CSMD1: variants seen among roughly 807,000 people sequenced by gnomAD.
CSMD1 encodes the protein CUB and sushi domain-containing protein 1.
CSMD1 carries 213 observed loss-of-function variants against 417.5 expected under a neutral mutation model. The observed-to-expected ratio is 0.51, with a 90% CI of 0.46 to 0.57. The LOEUF (loss-of-function observed/expected upper bound fraction) is 0.57, where lower values mean the gene tolerates loss of function less well. CSMD1 is among the 20% of genes least tolerant of loss of function. The pLI is 0.00. For missense variants in CSMD1, 6,923 were observed against 4,529.7 expected (o/e 1.53, Z -15.17); for synonymous variants, 2,862 against 1,736.8 (o/e 1.65, Z -16.11).
intron 26 of CSMD1, among the ~76,000 whole-genome samples, chr8:3,264,374 C>G (rs1209172626): frequency 1.3e-5 from 2 of 152,128 alleles, no homozygotes; most frequent in Non-Finnish European, 2.9e-5. Context: ...TGTGTTCTAT[C>G]TTTTCCTGTT....
chr8:3,997,692 G>T (rs566850127), intron 5 of CSMD1, among the ~76,000 whole-genome samples: 1 of 152,082 alleles, frequency 6.6e-6, no homozygotes, highest in African/African-American at 2.4e-5. Context: ...ATGACTTCCC[G>T]AGCTCCAAAC....
At chr8:3,440,313 G>T (rs1033819658) in intron 12 of CSMD1, among the ~76,000 whole-genome samples, 1 of 151,906 alleles carries the variant, frequency 6.6e-6, no homozygotes, top group Non-Finnish European at 1.5e-5. Flanking sequence ...TTTGATCTTT[G>T]GTTTCTTTCA....
chr8:4,315,901 A>G (rs1798896876), intron 3 of CSMD1, among the ~76,000 whole-genome samples: 1 of 152,214 alleles, frequency 6.6e-6, no homozygotes, highest in African/African-American at 2.4e-5. Flanking sequence ...TTATAAAGCT[A>G]AAGATGCACT....
rs190313170 is a variant in CSMD1, at chr8:4,884,552, T to G, written c.85+109780A>C. 1.2e-3 allele frequency among the ~76,000 whole-genome samples: 189 copies of G among 152,186 alleles called. 2 individuals carry two copies. Among genetic ancestry groups the G allele is most frequent in the African/African-American group, 4.3e-3 (179 of 41,514 alleles). On this transcript the variant is annotated intron_variant, in intron 1 of 69. Coordinates refer to ENST00000635120, the MANE Select transcript of CSMD1 (RefSeq NM_033225.6). ...TCCTTTTTGAGTTAATTTTTGTATA[T>G]TGAGATGGATTGGGCTTCGACTTCA...
rs1221175483 is a variant in CSMD1, at chr8:3,142,771, C to A, written c.6032-97G>T. ...CTGAAGTGTTAGCAGTCTCCCCAGA[C>A]AATCCCTCTCTGTGAGACAGAACCA... is the stretch of plus-strand genomic sequence containing the variant. On this transcript the variant is annotated intron_variant, in intron 40 of 69. Transcript: ENST00000635120. 6.0e-6 allele frequency: 6 copies of A among 1,004,204 alleles called. No individual in the cohort carries two copies. The Admixed American group carries it at 1.1e-4, about 18-fold the overall frequency. 62.2% of individuals were successfully genotyped at this position (1,004,204 alleles called of 1,614,324 possible).
chr8:3,053,257 A>G (rs1393298620), intron 49 of CSMD1, among the ~76,000 whole-genome samples: 1 of 152,206 alleles, frequency 6.6e-6, no homozygotes, highest in Non-Finnish European at 1.5e-5. Context: ...GACATATTTT[A>G]TCAGAGGGTG....
At chr8:3,293,843 C>G (rs535773644) in intron 25 of CSMD1, among the ~76,000 whole-genome samples, 1 of 152,306 alleles carries the variant, frequency 6.6e-6, no homozygotes, top group South Asian at 2.1e-4. Flanking sequence ...AAGTCATTCT[C>G]CATCCAGCTT....
intron 3 of CSMD1, among the ~76,000 whole-genome samples, chr8:4,260,976 CTT>C (rs1189067503): frequency 1.3e-5 from 2 of 152,100 alleles, no homozygotes; most frequent in Non-Finnish European, 1.5e-5. Flanking sequence ...TGACTTGCCT[CTT>C]TTGTAAACAA....
At chr8:3,890,964 C>T (rs1046038656) in intron 5 of CSMD1, among the ~76,000 whole-genome samples, 2 of 152,068 alleles carry the variant, frequency 1.3e-5, no homozygotes, top group African/African-American at 4.8e-5. Context: ...CTCTCAATAA[C>T]CTGTGAAATG....
intron 6 of CSMD1, among the ~76,000 whole-genome samples, chr8:3,728,302 T>C (rs1802615339): frequency 6.6e-6 from 1 of 152,130 alleles, no homozygotes; most frequent in African/African-American, 2.4e-5. Context: ...TCTTCCTTCA[T>C]CTTCCACCAT....
chr8:4,075,321 T>A (rs1799765198), intron 3 of CSMD1, among the ~76,000 whole-genome samples: 1 of 152,262 alleles, frequency 6.6e-6, no homozygotes, highest in Non-Finnish European at 1.5e-5. Context: ...ATAAATACCT[T>A]CACCTAAGAG....
chr8:3,274,386 GA>G (rs941823805), intron 26 of CSMD1, among the ~76,000 whole-genome samples: 6 of 152,092 alleles, frequency 3.9e-5, no homozygotes, highest in East Asian at 1.9e-4. Context: ...GTGTGGTGCT[GA>G]AAAAAATGTA....
chr8:3,311,543 G>A (rs754888086), intron 23 of CSMD1, among the ~76,000 whole-genome samples: 2 of 152,186 alleles, frequency 1.3e-5, no homozygotes, highest in Non-Finnish European at 2.9e-5. Flanking sequence ...AGTCTAATCA[G>A]CTAGAGAGTC....
At chr8:4,676,292 C>T (rs551439896) in intron 1 of CSMD1, among the ~76,000 whole-genome samples, 137 of 152,164 alleles carry the variant, frequency 9.0e-4, no homozygotes, top group Non-Finnish European at 1.6e-3. Flanking sequence ...ATAAATTAGC[C>T]ATGTTTCTCA....
At chr8:3,181,242 T>G in intron 36 of CSMD1, 28 bp from the exon 37 acceptor site, 1 of 1,419,470 alleles carries the variant, frequency 7.0e-7, no homozygotes, top group Non-Finnish European at 9.9e-7. Context: ...GATAGAATTG[T>G]AACACTACAA....
At chr8:4,186,736 C>T (rs118187198) in intron 3 of CSMD1, among the ~76,000 whole-genome samples, 4,783 of 151,860 alleles carry the variant, frequency 0.031, 102 homozygotes, top group Non-Finnish European at 0.044. Flanking sequence ...CCTGTAATCC[C>T]AGCAATTTGG....
intron 46 of CSMD1, among the ~76,000 whole-genome samples, chr8:3,104,704 T>C (rs965844793): frequency 3.6e-5 from 4 of 110,796 alleles, no homozygotes; most frequent in African/African-American, 6.6e-5. Flanking sequence ...CTTTTTTTTT[T>C]CTTTTCTTTT....
intron 5 of CSMD1, among the ~76,000 whole-genome samples, chr8:3,812,958 G>A (rs921912880): frequency 3.3e-5 from 5 of 152,102 alleles, no homozygotes; most frequent in Admixed American, 6.6e-5. Context: ...ATGGTAAAGG[G>A]AACAGGCAGT....
intron 63 of CSMD1, among the ~76,000 whole-genome samples, 200 bp from the exon 64 acceptor site, chr8:2,955,968 T>TGAC (rs1292249541): frequency 6.6e-6 from 1 of 152,088 alleles, no homozygotes; most frequent in African/African-American, 2.4e-5. Context: ...CTAGAACTCC[T>TGAC]GACCTCAAGC....
Sources: allele counts gnomAD v4.1 joint callset (sites outside exome capture counted in the v4.1 genomes callset), GRCh38; gene constraint gnomAD v4.1.1; transcripts MANE v1.5; gene names NCBI Gene and HGNC (gene_info 2026-07-23, HGNC 2026-07-21).